ERBB4: variants seen among roughly 807,000 people sequenced by gnomAD.
ERBB4 encodes the protein erb-b2 receptor tyrosine kinase 4.
Under a neutral mutation model 158.0 loss-of-function variants are expected in ERBB4, and 42 were observed. The observed-to-expected ratio is 0.27, with a 90% CI of 0.21 to 0.34. The LOEUF (loss-of-function observed/expected upper bound fraction) is 0.34. ERBB4 is among the 10% of genes least tolerant of loss of function. The pLI, the probability that ERBB4 is intolerant of heterozygous loss-of-function variation, is 1.00. For missense variants in ERBB4, 1,333 were observed against 1,624.1 expected (o/e 0.82, Z 3.08); for synonymous variants, 583 against 558.7 (o/e 1.04, Z -0.61).
intron 3 of ERBB4, among the ~76,000 whole-genome samples, chr2:211,942,523 T>C (rs1055015084): frequency 1.3e-5 from 2 of 151,946 alleles, no homozygotes; most frequent in East Asian, 3.9e-4. Context: ...AGCCTTCTAT[T>C]CTATTTTTCA....
chr2:212,114,632 TG>T (rs2079518469), intron 2 of ERBB4, among the ~76,000 whole-genome samples: 1 of 152,246 alleles, frequency 6.6e-6, no homozygotes, highest in South Asian at 2.1e-4. Flanking sequence ...AATGCTTCAT[TG>T]ATGCCTCATT....
chr2:212,065,024 TG>T (rs1463827238), intron 2 of ERBB4, among the ~76,000 whole-genome samples: 34 of 144,168 alleles, frequency 2.4e-4, no homozygotes, highest in Non-Finnish European at 2.8e-4. Flanking sequence ...TGTGTGTGTG[TG>T]TGTTGTGTGT....
chr2:212,232,077 CTT>C (rs755946386), intron 1 of ERBB4, among the ~76,000 whole-genome samples: 5 of 152,050 alleles, frequency 3.3e-5, no homozygotes, highest in Non-Finnish European at 5.9e-5. Context: ...TAATTAAACT[CTT>C]TATGCATCAG....
At chr2:212,376,537 T>C (rs35508685) in intron 1 of ERBB4, among the ~76,000 whole-genome samples, 5,214 of 152,174 alleles carry the variant, frequency 0.034, 138 homozygotes, top group South Asian at 0.14. Flanking sequence ...TTCTGCTCAT[T>C]CCTCTCACCA....
chr2:212,258,802 C>G (rs1342220517), intron 1 of ERBB4, among the ~76,000 whole-genome samples: 1 of 151,800 alleles, frequency 6.6e-6, no homozygotes, highest in Non-Finnish European at 1.5e-5. Context: ...ATACAAAACT[C>G]ATGAGTTGGC....
intron 2 of ERBB4, among the ~76,000 whole-genome samples, chr2:211,994,579 TTTTAC>T (rs2125262958): frequency 6.6e-6 from 1 of 152,374 alleles, no homozygotes; most frequent in East Asian, 1.9e-4. Context: ...GTTGTTGTTT[TTTTAC>T]TTTATAGTGT....
chr2:211,768,969 C>T (rs558802880), intron 4 of ERBB4, among the ~76,000 whole-genome samples: 9 of 152,312 alleles, frequency 5.9e-5, no homozygotes, highest in African/African-American at 2.2e-4. Flanking sequence ...TAATTCTCTG[C>T]TTCCTTTTTA....
chr2:211,612,595 A>C (rs772295065), intron 19 of ERBB4, among the ~76,000 whole-genome samples: 12 of 152,014 alleles, frequency 7.9e-5, no homozygotes, highest in Non-Finnish European at 1.5e-4. Context: ...TTGGCTTATA[A>C]GGGGAGTGGA....
At chr2:211,885,743 G>T (rs2078782724) in intron 3 of ERBB4, among the ~76,000 whole-genome samples, 1 of 152,088 alleles carries the variant, frequency 6.6e-6, no homozygotes, top group African/African-American at 2.4e-5. Flanking sequence ...ACAGATGTGA[G>T]CCACCGTGCC....
chr2:212,506,913 G>A (rs1691225045), intron 1 of ERBB4, among the ~76,000 whole-genome samples: 1 of 152,134 alleles, frequency 6.6e-6, no homozygotes, highest in Non-Finnish European at 1.5e-5. Context: ...ATGGAGATAA[G>A]ACAGCCTTCT....
intron 1 of ERBB4, among the ~76,000 whole-genome samples, chr2:212,225,242 G>T (rs1293591398): frequency 6.6e-6 from 1 of 151,946 alleles, no homozygotes; most frequent in African/African-American, 2.4e-5. Flanking sequence ...ATTAGAAAGT[G>T]AAAAATTTAA....
At chr2:211,577,347 T>C (rs1340045883) in intron 19 of ERBB4, among the ~76,000 whole-genome samples, 2 of 152,070 alleles carry the variant, frequency 1.3e-5, no homozygotes, top group East Asian at 1.9e-4. Flanking sequence ...GTAAGCAAAA[T>C]GGGGATTTCC....
chr2:211,789,342 G>A (rs1021854783), intron 3 of ERBB4, among the ~76,000 whole-genome samples: 3 of 152,024 alleles, frequency 2.0e-5, no homozygotes, highest in South Asian at 2.1e-4. Context: ...CAGCTGTTCC[G>A]CAGTGCCCAC....
chr2:212,193,335 C>A (rs1330040887), intron 1 of ERBB4, among the ~76,000 whole-genome samples: 2 of 152,102 alleles, frequency 1.3e-5, no homozygotes, highest in African/African-American at 4.8e-5. Context: ...ATGCCATCTG[C>A]TTTTCCATTT....
chr2:212,322,239 G>A (rs1400854313), intron 1 of ERBB4, among the ~76,000 whole-genome samples: 1 of 150,386 alleles, frequency 6.6e-6, no homozygotes, highest in African/African-American at 2.4e-5. Context: ...TTCTAGACAT[G>A]TGACTTCGGG....
chr2:211,580,808 AT>A lies in ERBB4; in HGVS notation c.2302-18721del, dbSNP rs201325009. On this transcript the variant is annotated intron_variant, in intron 19 of 27. Coordinates refer to ENST00000342788, the MANE Select transcript of ERBB4 (RefSeq NM_005235.3). ...TTGTGATATATATATATATATATAT[AT>A]ATAATATATATATATTATATATATA... 2.6e-3 allele frequency among the ~76,000 whole-genome samples: 138 copies of A among 53,024 alleles called. 6 individuals carry two copies. The highest frequency in any genetic ancestry group is 0.024 in the Admixed American group (80 of 3,292). The allele number at this position is 53,024 out of a possible 152,430, so 34.8% of individuals were successfully genotyped here.
At chr2:211,816,460 G>A (rs1217145385) in intron 3 of ERBB4, among the ~76,000 whole-genome samples, 1 of 141,962 alleles carries the variant, frequency 7.0e-6, no homozygotes, top group East Asian at 2.1e-4. Context: ...AGAATTACTT[G>A]AATCCAGGAG....
Position 212,456,849 on chromosome 2 carries a change from T to C in ERBB4, c.82+81600A>G, listed in dbSNP as rs181805969. On this transcript the variant is annotated intron_variant, in intron 1 of 27. Coordinates refer to ENST00000342788, the MANE Select transcript of ERBB4 (RefSeq NM_005235.3). The stretch of plus-strand genomic sequence containing the variant: ...ATGTTATCAAATAGTAATTGTAAGC[T>C]GTAATTTTCCCATTAAGTAGACAGA... Among the ~76,000 whole-genome samples the C allele has an allele frequency of 5.5e-3, 844 of 152,116 alleles. 2 individuals are homozygous for C. Among genetic ancestry groups the C allele is most frequent in the African/African-American group, 0.019 (810 of 41,558 alleles).
Position 212,442,139 on chromosome 2 carries a change from CA to C in ERBB4, c.82+96309del, listed in dbSNP as rs1389757005. On this transcript the variant is annotated intron_variant, in intron 1 of 27. Transcript: ENST00000342788. ...TAGTCTGACTCGTGTAGAGCTCTGGCATTGGCTAATTAATCACCGTGTTCCT... is the reference window on the plus strand; with the variant it reads ...TAGTCTGACTCGTGTAGAGCTCTGGCTTGGCTAATTAATCACCGTGTTCCT... 2.1e-5 allele frequency among the ~76,000 whole-genome samples: 3 copies of C among 143,972 alleles called. No individual in the cohort carries two copies. The East Asian group carries it at 6.3e-4, about 30-fold the overall frequency. 94.5% of individuals were successfully genotyped at this position (143,972 alleles called of 152,430 possible).
Sources: gnomAD v4.1 joint callset for allele counts (sites outside exome capture counted in the v4.1 genomes callset) on GRCh38, gnomAD v4.1.1 for gene constraint, MANE v1.5 for transcripts, NCBI Gene and HGNC (gene_info 2026-07-23, HGNC 2026-07-21) for gene names.